COL20A1: variants seen among roughly 807,000 people sequenced by gnomAD.
COL20A1 encodes collagen alpha-1(XX) chain.
In COL20A1, 164 loss-of-function variants were observed where a neutral mutation model predicts 152.9. That is an observed-to-expected ratio of 1.07 (90% CI 0.94 to 1.22). The LOEUF is 1.22. Ranked by LOEUF, COL20A1 falls within the 50% of genes most tolerant of loss-of-function variation. The pLI is 0.00. For synonymous variants in COL20A1, 864 were observed against 756.0 expected, an observed-to-expected ratio of 1.14 and a Z score of -2.34; for missense variants, 1,873 against 1,744.8, an observed-to-expected ratio of 1.07 and a Z score of -1.31.
Position 63,305,810 on chromosome 20 carries a change from T to A in COL20A1, c.338-71T>A. On this transcript the variant is annotated intron_variant, in intron 4 of 35. Transcript: ENST00000358894. This position sits in a 1 kb window ranked among gnomAD's most constrained non-coding sequence, Gnocchi z 4.9. The stretch of plus-strand genomic sequence containing the variant: ...ACCCACAGATGCGCCCTTGAAGGGG[T>A]GTATGTGCAGCTGCCCCAGTGGACC... The A allele has an allele frequency of 6.8e-7, 1 of 1,471,204 alleles. No individual in the cohort carries two copies. 91.1% of individuals were successfully genotyped at this position (1,471,204 alleles called of 1,614,324 possible).
intron 3 of COL20A1, among the ~76,000 whole-genome samples, chr20:63,298,325 G>A (rs537550252): frequency 2.9e-4 from 44 of 152,250 alleles, no homozygotes; most frequent in African/African-American, 1.1e-3. Context: ...GGGTCTTGCT[G>A]TGTTGCCCAG....
intron 19 of COL20A1, among the ~76,000 whole-genome samples, chr20:63,314,737 A>G (rs1445855144): frequency 1.3e-5 from 2 of 152,016 alleles, no homozygotes; most frequent in East Asian, 3.9e-4. Flanking sequence ...CCATGGAGCA[A>G]ACCCAAGTCC....
rs202080315 is a variant in COL20A1, at chr20:63,319,489, G to A, written c.2809G>A (p.Gly937Arg). 2.5e-5 allele frequency: 40 copies of A among 1,571,460 alleles called. No homozygotes were observed. The highest frequency in any genetic ancestry group is 1.8e-4 in the African/African-American group (13 of 73,734). The change falls in exon 23 of 36, where the codon GGG (glycine) becomes AGG (arginine). Residue 937 changes from glycine to arginine, a missense_variant and splice_region_variant. Physicochemically the swap from Gly to Arg is moderately radical, Grantham distance 125. Coordinates refer to ENST00000358894, the MANE Select transcript of COL20A1 (RefSeq NM_020882.4). This position sits in a 1 kb window ranked among gnomAD's most constrained non-coding sequence, Gnocchi z 4.4. ...QPLLGVLLDAGKKSLTYFHRD... is the reference protein window; with the variant it reads ...QPLLGVLLDARKKSLTYFHRD... ...CTGCTCCACCCCTTCCCTGGCAGCC[G>A]GGAAGAAGTCCCTGACCTACTTCCA... is the stretch of plus-strand genomic sequence containing the variant.
intron 3 of COL20A1, among the ~76,000 whole-genome samples, chr20:63,299,549 A>G (rs1025027479): frequency 3.9e-5 from 6 of 152,118 alleles, no homozygotes; most frequent in South Asian, 2.1e-4. Flanking sequence ...CGCTATCACA[A>G]TTGATGTAGA....
At position 63,319,153 on chromosome 20, in the gene COL20A1, A is replaced by G; in HGVS notation, c.2759A>G (p.Gln920Arg). 2 of 1,612,702 alleles carry G rather than the reference A, an allele frequency of 1.2e-6. No homozygotes were observed. The highest frequency in any genetic ancestry group is 1.7e-6 in the Non-Finnish European group (2 of 1,179,656). Residue 920 changes from glutamine (Q) to arginine (R), a missense_variant, in exon 22 of 36, where the codon CAG becomes CGG. Physicochemically the swap from Gln to Arg is conservative, Grantham distance 43. Coordinates refer to ENST00000358894, the MANE Select transcript of COL20A1 (RefSeq NM_020882.4). This position sits in a 1 kb window ranked among gnomAD's most constrained non-coding sequence, Gnocchi z 4.4. ...ETPREAFALW[Q>R]MTAEDFQPLL... ...CCCCGTGAGGCCTTCGCGCTGTGGCAGATGACAGCCGAGGACTTCCAGCCC... is the reference window on the plus strand; with the variant it reads ...CCCCGTGAGGCCTTCGCGCTGTGGCGGATGACAGCCGAGGACTTCCAGCCC...
intron 1 of COL20A1, among the ~76,000 whole-genome samples, chr20:63,293,879 G>A (rs1328134311): frequency 2.6e-5 from 3 of 117,120 alleles, no homozygotes; most frequent in East Asian, 2.5e-4. Context: ...GGGAGGGGGC[G>A]TGTATTGGGG....
At position 63,297,984 on chromosome 20, in the gene COL20A1, G is replaced by A. The variant is rs746524988; in HGVS notation, c.157G>A (p.Gly53Ser). The A allele has an allele frequency of 9.9e-6, 16 of 1,612,568 alleles. No individual in the cohort carries two copies. The highest frequency in any genetic ancestry group is 6.7e-5 in the East Asian group (3 of 44,886). Residue 53 changes from glycine (G) to serine (S), a missense_variant, in exon 3 of 36, where the codon GGC becomes AGC. Physicochemically the swap from Gly to Ser is moderately conservative, Grantham distance 56. Coordinates refer to ENST00000358894, the MANE Select transcript of COL20A1 (RefSeq NM_020882.4). The part of the protein sequence containing the change: ...QMKWRESEGS[G>S]LGYLVQVKPM... ...GAAGTGGAGAGAGTCGGAGGGGAGC[G>A]GCCTCGGCTACCTGGTGCAGGTGAA...
rs1209079969 is a variant in COL20A1 at position 63,326,785 on chromosome 20, A to G, written c.3490A>G (p.Ser1164Gly). 1 of 1,499,934 alleles carries G rather than the reference A, an allele frequency of 6.7e-7. No homozygotes were observed. The allele number at this position is 1,499,934 out of a possible 1,614,324, so 92.9% of individuals were successfully genotyped here. A position where few individuals can be genotyped will look rare whatever the true frequency, so the allele number is the denominator to read the frequency against. The change falls in exon 31 of 36, where the codon AGT becomes GGT. Residue 1164 changes from serine to glycine, a missense_variant. By Grantham distance (56) the Ser-to-Gly change is moderately conservative. Transcript: ENST00000358894. ...GGGCATGGCAGGGGCCAGGGGCACT[A>G]GTGGAGAGCGAGGACCTCCAGGGAC... is the stretch of plus-strand genomic sequence containing the variant. The part of the protein sequence containing the change: ...FQGMAGARGT[S>G]GERGPPGTVG...
intron 16 of COL20A1, 32 bp downstream of exon 16, chr20:63,312,966 GC>G: frequency 3.3e-6 from 5 of 1,529,092 alleles, no homozygotes; most frequent in Non-Finnish European, 4.4e-6. Flanking sequence ...CTTCCGAGGG[GC>G]CCCCCGTGGG....
At chr20:63,297,168 G>C (rs571904284) in intron 2 of COL20A1, among the ~76,000 whole-genome samples, 272 of 152,362 alleles carry the variant, frequency 1.8e-3, no homozygotes, top group Non-Finnish European at 2.7e-3. Context: ...GAGGCGGCAC[G>C]TGCACCTGGC....
chr20:63,297,895 G>C lies in COL20A1; in HGVS notation c.83-15G>C, dbSNP rs1231545082. On this transcript the variant is annotated splice_polypyrimidine_tract_variant and intron_variant, in intron 2 of 35. Coordinates refer to ENST00000358894, the MANE Select transcript of COL20A1 (RefSeq NM_020882.4). ...AGGCCAGGTCAGTCCTGACCACTAT[G>C]TCCTGTTTCTGTAGCAAGCGGTCTC... 1 of 1,607,844 alleles carries C rather than the reference G, an allele frequency of 6.2e-7. No individual in the cohort carries two copies.
chr20:63,328,565 T>A, intron 34 of COL20A1, 67 bp downstream of exon 34: 1 of 1,402,660 alleles, frequency 7.1e-7, no homozygotes, highest in Non-Finnish European at 9.7e-7. Context: ...CCCCTGGTCC[T>A]GGGGCTGGGG....
chr20:63,305,465 C>T lies in COL20A1; in HGVS notation c.242C>T (p.Thr81Ile), dbSNP rs774262541. The T allele has an allele frequency of 2.5e-6, 4 of 1,602,972 alleles. No homozygotes were observed. The highest frequency in any genetic ancestry group is 3.4e-6 in the Non-Finnish European group (4 of 1,175,638). ...VILTTKTPKA[T>I]VGGLSPSKGY... ...CTGACCACCAAGACCCCTAAGGCCA[C>T]AGTGGGGGGCCTGAGCCCCTCCAAG... The change falls in exon 4 of 36, where the codon ACA (threonine) becomes ATA (isoleucine). Residue 81 changes from threonine to isoleucine, a missense_variant. Transcript: ENST00000358894. The surrounding 1 kb of genome is among the most constrained non-coding windows in gnomAD (Gnocchi z 4.9).
At chr20:63,294,189 A>G (rs1264973409) in intron 1 of COL20A1, among the ~76,000 whole-genome samples, 4 of 8,356 alleles carry the variant, frequency 4.8e-4, no homozygotes, top group Admixed American at 1.4e-3. Flanking sequence ...GGGGGCGTGC[A>G]GGGGACTGGG....
rs772082573 is a variant in COL20A1, at chr20:63,326,822, CAGTA to C, written c.3528+3_3528+6del. ...GGACCTCCAGGGACCGTGGGGCCCA[CAGTA>C]AGTGCATTTCCAACACCCACCAGCC... On this transcript the variant is annotated splice_donor_variant and splice_donor_region_variant and coding_sequence_variant and intron_variant, in exon 31 of 36. Coordinates refer to ENST00000358894, the MANE Select transcript of COL20A1 (RefSeq NM_020882.4). LOFTEE classifies it high-confidence loss of function. 4 of 1,498,564 alleles carry C rather than the reference CAGTA, an allele frequency of 2.7e-6. No individual in the cohort carries two copies. The South Asian group carries it at 5.5e-5, about 21-fold the overall frequency. The allele number at this position is 1,498,564 out of a possible 1,614,324, so 92.8% of individuals were successfully genotyped here.
At chr20:63,295,287 C>T (rs2067773114) in intron 2 of COL20A1, 98 bp downstream of exon 2, 3 of 752,980 alleles carry the variant, frequency 4.0e-6, no homozygotes, top group Admixed American at 2.6e-5. Flanking sequence ...GCCCCGTCTT[C>T]CTCCTAAGTT....
intron 31 of COL20A1, 108 bp downstream of exon 31, chr20:63,326,931 C>T (rs886942172): frequency 2.9e-6 from 2 of 700,634 alleles, no homozygotes; most frequent in African/African-American, 3.8e-5. Context: ...CAGGGACTTC[C>T]TACTGACCAC....
chr20:63,309,481 C>A lies in COL20A1; in HGVS notation c.1089C>A (p.Ser363Arg). ...TCTGCCAGAGGCTCCAGGGTGGGAG[C>A]CCGCGGCAGGGCCCAGGTGAGGGGC... ...RLICQRLQGGSPRQGPAAAPA... is the reference protein window; with the variant it reads ...RLICQRLQGGRPRQGPAAAPA... The change falls in exon 9 of 36, where the codon AGC (serine) becomes AGA (arginine). Residue 363 changes from serine to arginine, a missense_variant. Coordinates refer to ENST00000358894, the MANE Select transcript of COL20A1 (RefSeq NM_020882.4). 1 of 1,523,906 alleles carries A rather than the reference C, an allele frequency of 6.6e-7. No homozygotes were observed. The highest frequency in any genetic ancestry group is 8.8e-7 in the Non-Finnish European group (1 of 1,132,504). 94.4% of individuals were successfully genotyped at this position (1,523,906 alleles called of 1,614,324 possible). A position where few individuals can be genotyped will look rare whatever the true frequency, so the allele number is the denominator to read the frequency against.
intron 21 of COL20A1, among the ~76,000 whole-genome samples, chr20:63,317,670 C>T (rs796681380): frequency 7.2e-5 from 11 of 152,206 alleles, no homozygotes; most frequent in African/African-American, 2.2e-4. Context: ...ACGGTGTCTT[C>T]GTGGCTGAAC....
Sources: gnomAD v4.1 joint callset for allele counts (sites outside exome capture counted in the v4.1 genomes callset) on GRCh38, gnomAD v4.1.1 for gene constraint, Gnocchi (gnomAD v3.1) non-coding constraint, MANE v1.5 for transcripts, NCBI Gene and HGNC (gene_info 2026-07-23, HGNC 2026-07-21) for gene names.